Variants in GPX5 observed in about 807,000 individuals in gnomAD.
GPX5 encodes glutathione peroxidase 5.
Under a neutral mutation model 23.8 loss-of-function variants are expected in GPX5, and 20 were observed. The observed-to-expected ratio is 0.84, with a 90% CI of 0.59 to 1.22. The LOEUF is 1.22. Ranked by LOEUF, GPX5 falls within the 50% of genes most tolerant of loss-of-function variation. GPX5 has a pLI of 0.00. For synonymous variants in GPX5, 92 were observed against 99.5 expected (o/e 0.92, Z 0.45); for missense variants, 230 against 266.6 (o/e 0.86, Z 0.96).
chr6:28,533,345 T>C (rs1763361784), intron 4 of GPX5, among the ~76,000 whole-genome samples: 1 of 152,162 alleles, frequency 6.6e-6, no homozygotes. Flanking sequence ...CAGTGTATCA[T>C]GCCTCTGCAC....
At chr6:28,528,813 GTATATATATA>G (rs70983945) in intron 1 of GPX5, among the ~76,000 whole-genome samples, 6 of 95,710 alleles carry the variant, frequency 6.3e-5, no homozygotes, top group East Asian at 6.6e-4. Flanking sequence ...ATATATGTGT[GTATATATATA>G]TATATATATA....
chr6:28,526,033 T>A lies in GPX5; in HGVS notation c.20T>A (p.Val7Asp), dbSNP rs1431340307. 1 of 1,612,536 alleles carries A rather than the reference T, an allele frequency of 6.2e-7. No individual in the cohort carries two copies. The highest frequency in any genetic ancestry group is 1.7e-5 in the Admixed American group (1 of 60,002). The change falls in exon 1 of 5, where the codon GTC becomes GAC. Residue 7 changes from valine (V) to aspartate (D), a missense_variant. Transcript: ENST00000412168. ...CTAGTCATGACTACACAGTTAAGGG[T>A]CGTCCATCTGCTTCCCCTTCTCCTA... is the stretch of plus-strand genomic sequence containing the variant. MTTQLR[V>D]VHLLPLLLAC...
At chr6:28,528,771 C>T (rs1763252209) in intron 1 of GPX5, among the ~76,000 whole-genome samples, 1 of 136,178 alleles carries the variant, frequency 7.3e-6, no homozygotes. Context: ...GGGGAGTGTA[C>T]ATAGTAAGTG....
At chr6:28,527,300 TA>T (rs1253459597) in intron 1 of GPX5, among the ~76,000 whole-genome samples, 1 of 152,048 alleles carries the variant, frequency 6.6e-6, no homozygotes. Context: ...TGAAACTAGG[TA>T]ACATGGAGAT....
In GPX5 at chr6:28,529,611, G is replaced by T. The variant is rs755851741; in HGVS notation, c.241+7G>T. 1.3e-6 allele frequency: 2 copies of T among 1,589,186 alleles called. No homozygotes were observed. The highest frequency in any genetic ancestry group is 1.7e-6 in the Non-Finnish European group (2 of 1,166,244). On this transcript the variant is annotated splice_region_variant and intron_variant, in intron 2 of 4. Transcript: ENST00000412168. Reference sequence around the variant, plus strand: ...CTGACAGCGCAATATCCTGGTAAGAGAATTCATAGTTACTTCTCTTTGGGA... The same window carrying T: ...CTGACAGCGCAATATCCTGGTAAGATAATTCATAGTTACTTCTCTTTGGGA...
chr6:28,530,782 C>G lies in GPX5; in HGVS notation c.242-996C>G, dbSNP rs28382600. Among the ~76,000 whole-genome samples the G allele has an allele frequency of 7.0e-3, 1,059 of 152,252 alleles. 28 individuals carry two copies. Among genetic ancestry groups the G allele is most frequent in the Middle Eastern group, 0.017 (5 of 294 alleles). On this transcript the variant is annotated intron_variant, in intron 2 of 4. Coordinates refer to ENST00000412168, the MANE Select transcript of GPX5 (RefSeq NM_001509.3). ...TAACAGAAGGACATAGGGAGGGGTACTGAGGAACCCTGTGAAAACAGGAAG... is the reference window on the plus strand; with the variant it reads ...TAACAGAAGGACATAGGGAGGGGTAGTGAGGAACCCTGTGAAAACAGGAAG...
Position 28,534,235 on chromosome 6 carries a change from A to C in GPX5, c.*68A>C. 8.7e-7 allele frequency: 1 copy of C among 1,152,536 alleles called. No homozygotes were observed. Among genetic ancestry groups the C allele is most frequent in the East Asian group, 2.6e-5 (1 of 38,948 alleles). The allele number at this position is 1,152,536 out of a possible 1,614,324, so 71.4% of individuals were successfully genotyped here. A position where few individuals can be genotyped will look rare whatever the true frequency, so the allele number is the denominator to read the frequency against. ...ATGACTTGCTCTCCCCACCCCTCCAAAAAAAAGGAATACCCATCTTCTCAC... is the reference window on the plus strand; with the variant it reads ...ATGACTTGCTCTCCCCACCCCTCCACAAAAAAGGAATACCCATCTTCTCAC... On this transcript the variant is annotated 3_prime_UTR_variant, in exon 5 of 5. Coordinates refer to ENST00000412168, the MANE Select transcript of GPX5 (RefSeq NM_001509.3).
chr6:28,531,740 C>T, intron 2 of GPX5, 38 bp from the exon 3 acceptor site: 1 of 1,369,010 alleles, frequency 7.3e-7, no homozygotes, highest in Non-Finnish European at 1.0e-6. Context: ...AAGGCAGAAC[C>T]TCTACCTAGA....
chr6:28,525,885 G>A lies in GPX5; in HGVS notation c.-129G>A, dbSNP rs936674212. 1.9e-5 allele frequency: 14 copies of A among 721,650 alleles called. No individual in the cohort carries two copies. Among genetic ancestry groups the A allele is most frequent in the Non-Finnish European group, 3.3e-5 (13 of 398,594 alleles). 44.7% of individuals were successfully genotyped at this position (721,650 alleles called of 1,614,324 possible). On this transcript the variant is annotated 5_prime_UTR_variant, in exon 1 of 5. Transcript: ENST00000412168. ...TGTGATCCTCACCCCGACCTCATGC[G>A]TCGGGAATCCTTGCAGCCCTGTGAC... is the stretch of plus-strand genomic sequence containing the variant.
In GPX5 at chr6:28,532,415, T is replaced by C. The variant is rs771175181; in HGVS notation, c.454T>C (p.Leu152=). Residue 152 remains leucine (L), a synonymous_variant, in exon 4 of 5, where the codon TTG becomes CTG. Transcript: ENST00000412168. The part of the protein sequence containing the change: ...GEKEQKVFSF[L]KHSCPHPSEI... Reference sequence around the variant, plus strand: ...AAAAGAACAGAAAGTCTTCAGTTTCTTGAAGGTGAGTAAATTCCTGGCATA... The same window carrying C: ...AAAAGAACAGAAAGTCTTCAGTTTCCTGAAGGTGAGTAAATTCCTGGCATA... 2 of 1,575,596 alleles carry C rather than the reference T, an allele frequency of 1.3e-6. No individual in the cohort carries two copies. The highest frequency in any genetic ancestry group is 2.3e-5 in the East Asian group (1 of 43,086).
chr6:28,527,912 T>C (rs1763239525), intron 1 of GPX5: 1 of 152,140 alleles, frequency 6.6e-6, no homozygotes, highest in Non-Finnish European at 1.5e-5. Flanking sequence ...AGGAATTTAA[T>C]AAAAGAACAT....
rs1445689688 is a variant in GPX5 at position 28,529,567 on chromosome 6, C to G, written c.204C>G (p.Asn68Lys). The G allele has an allele frequency of 7.4e-6, 12 of 1,612,158 alleles. No homozygotes were observed. Among genetic ancestry groups the G allele is most frequent in the Non-Finnish European group, 1.0e-5 (12 of 1,178,678 alleles). Reference protein sequence around the residue: ...QYVGKHILFVNVATYCGLTAQ... With the variant: ...QYVGKHILFVKVATYCGLTAQ... ...TGGGCAAGCACATCCTCTTCGTCAACGTGGCCACCTACTGTGGTCTGACAG... is the reference window on the plus strand; with the variant it reads ...TGGGCAAGCACATCCTCTTCGTCAAGGTGGCCACCTACTGTGGTCTGACAG... The change falls in exon 2 of 5, where the codon AAC becomes AAG. Residue 68 changes from asparagine (N) to lysine (K), a missense_variant. Physicochemically the swap from Asn to Lys is moderately conservative, Grantham distance 94. Coordinates refer to ENST00000412168, the MANE Select transcript of GPX5 (RefSeq NM_001509.3).
rs1763198570 is a variant in GPX5 at position 28,525,897 on chromosome 6, T to C, written c.-117T>C. On this transcript the variant is annotated 5_prime_UTR_variant, in exon 1 of 5. Transcript: ENST00000412168. Reference sequence around the variant, plus strand: ...CCCGACCTCATGCGTCGGGAATCCTTGCAGCCCTGTGACTGGCCTGTGGGG... The same window carrying C: ...CCCGACCTCATGCGTCGGGAATCCTCGCAGCCCTGTGACTGGCCTGTGGGG... The C allele has an allele frequency of 1.3e-6, 1 of 758,644 alleles. No individual in the cohort carries two copies. Among genetic ancestry groups the C allele is most frequent in the East Asian group, 2.5e-5 (1 of 40,804 alleles). 47.0% of individuals were successfully genotyped at this position (758,644 alleles called of 1,614,324 possible). A position where few individuals can be genotyped will look rare whatever the true frequency, so the allele number is the denominator to read the frequency against.
chr6:28,530,459 GA>G (rs1365201839), intron 2 of GPX5, among the ~76,000 whole-genome samples: 1 of 151,902 alleles, frequency 6.6e-6, no homozygotes, highest in Non-Finnish European at 1.5e-5. Flanking sequence ...AAGTTCAAAA[GA>G]AAAAAACTTT....
intron 3 of GPX5, 76 bp downstream of exon 3, chr6:28,531,971 G>C (rs978508778): frequency 4.9e-6 from 5 of 1,021,936 alleles, no homozygotes; most frequent in Non-Finnish European, 7.6e-6. Context: ...TCCAGCTCAG[G>C]AACTTTCTGG....
chr6:28,530,648 C>T (rs562041440), intron 2 of GPX5, among the ~76,000 whole-genome samples: 1 of 152,244 alleles, frequency 6.6e-6, no homozygotes, highest in East Asian at 1.9e-4. Flanking sequence ...AGATCATTTC[C>T]TCATTCTTTC....
chr6:28,530,782 C>T (rs28382600), intron 2 of GPX5, among the ~76,000 whole-genome samples: 1 of 152,254 alleles, frequency 6.6e-6, no homozygotes, highest in Non-Finnish European at 1.5e-5. Context: ...GGGAGGGGTA[C>T]TGAGGAACCC....
At chr6:28,529,357 G>T in intron 1 of GPX5, 94 bp from the exon 2 acceptor site, 2 of 972,482 alleles carry the variant, frequency 2.1e-6, no homozygotes, top group Non-Finnish European at 1.5e-6. Flanking sequence ...CTAGATCTTG[G>T]TTAGAACATA....
chr6:28,526,626 C>T (rs958506065), intron 1 of GPX5, among the ~76,000 whole-genome samples: 9 of 152,148 alleles, frequency 5.9e-5, no homozygotes, highest in African/African-American at 2.2e-4. Flanking sequence ...TGGAGTCAGG[C>T]ATCTTGGATT....
Sources: gnomAD v4.1 joint callset for allele counts (sites outside exome capture counted in the v4.1 genomes callset) on GRCh38, gnomAD v4.1.1 for gene constraint, MANE v1.5 for transcripts, NCBI Gene and HGNC (gene_info 2026-07-23, HGNC 2026-07-21) for gene names.